Variants in LINGO2 observed in about 807,000 individuals in gnomAD.
The protein encoded by LINGO2 is leucine-rich repeat and immunoglobulin-like domain-containing nogo receptor-interacting protein 2.
Under a neutral mutation model 30.6 loss-of-function variants are expected in LINGO2, and 14 were observed. That is an observed-to-expected ratio of 0.46 (90% CI 0.30 to 0.72). The LOEUF is 0.72. Among genes scored for constraint, LINGO2 ranks in the 30% least tolerant of loss-of-function variants. LINGO2 has a pLI of 0.07. For missense variants in LINGO2, 729 were observed against 751.7 expected (o/e 0.97, Z 0.35); for synonymous variants, 317 against 288.5 (o/e 1.10, Z -1.00).
At chr9:28,580,061 A>G (rs908012479) in intron 1 of LINGO2, among the ~76,000 whole-genome samples, 1 of 152,140 alleles carries the variant, frequency 6.6e-6, no homozygotes, top group African/African-American at 2.4e-5. Context: ...TTTAATTGCT[A>G]TAGCAAAAGA....
chr9:29,111,741 A>G, the LINGO2 span, among the ~76,000 whole-genome samples: 1 of 151,448 alleles, frequency 6.6e-6, no homozygotes, highest in Non-Finnish European at 1.5e-5. Flanking sequence ...TTAGTGAAGA[A>G]GAGAAATTTT....
At chr9:28,883,628 G>GTGTGTATGTGTATATATATA in the LINGO2 span, among the ~76,000 whole-genome samples, 13 of 64,166 alleles carry the variant, frequency 2.0e-4, no homozygotes, top group South Asian at 6.4e-4. Context: ...ATGTGTGTGT[G>GTGTGTATGTGTATATATATA]TATATATATA....
exon 6 of LINGO2, chr9:27,949,408 C>G: frequency 1.2e-6 from 2 of 1,614,148 alleles, no homozygotes. Context: ...CCTTCATCTA[C>G]TAGCAGATGC....
At chr9:28,055,567 G>A (rs1190941062) in intron 4 of LINGO2, among the ~76,000 whole-genome samples, 1 of 152,140 alleles carries the variant, frequency 6.6e-6, no homozygotes, top group Non-Finnish European at 1.5e-5. Context: ...TTCTTCGTTC[G>A]AAGTGTAAGG....
chr9:28,166,384 T>C lies in LINGO2; in HGVS notation c.-87+128824A>G, dbSNP rs73645603. Among the ~76,000 whole-genome samples the C allele has an allele frequency of 6.0e-3, 906 of 152,260 alleles. 10 individuals carry two copies. The highest frequency in any genetic ancestry group is 0.02 in the African/African-American group (846 of 41,546). ...AAGCCTCAGATTCCTCAGTGGGAGG[T>C]ACCTACCGGATGCATTTGTTATGGT... is the stretch of plus-strand genomic sequence containing the variant. On this transcript the variant is annotated intron_variant, in intron 4 of 5. Coordinates refer to ENST00000379992, the Ensembl canonical transcript of LINGO2.
At chr9:28,929,734 C>A in the LINGO2 span, among the ~76,000 whole-genome samples, 220 of 152,164 alleles carry the variant, frequency 1.4e-3, no homozygotes, top group African/African-American at 4.6e-3. Context: ...GCAAACTGCG[C>A]CAATGGTCTA....
chr9:27,978,779 G>C (rs146624895), intron 5 of LINGO2, among the ~76,000 whole-genome samples: 32 of 151,974 alleles, frequency 2.1e-4, no homozygotes, highest in African/African-American at 7.5e-4. Context: ...GACACCACTG[G>C]ATACCTCTGT....
intron 4 of LINGO2, among the ~76,000 whole-genome samples, chr9:28,230,104 T>G (rs1440278128): frequency 1.3e-5 from 2 of 151,866 alleles, no homozygotes; most frequent in Admixed American, 1.3e-4. Flanking sequence ...CAACGTCACA[T>G]TTATTGTTCT....
At chr9:29,119,496 T>C in the LINGO2 span, among the ~76,000 whole-genome samples, 2 of 151,558 alleles carry the variant, frequency 1.3e-5, no homozygotes, top group Non-Finnish European at 2.9e-5. Flanking sequence ...GAAATACTAA[T>C]GCATATGCAA....
chr9:28,036,483 A>G (rs1170255779), intron 4 of LINGO2, among the ~76,000 whole-genome samples: 1 of 152,194 alleles, frequency 6.6e-6, no homozygotes, highest in African/African-American at 2.4e-5. Context: ...TAGTTCTAGT[A>G]GACCTATGAC....
chr9:28,208,465 A>C (rs1562972), intron 4 of LINGO2, among the ~76,000 whole-genome samples: 72,374 of 151,828 alleles, frequency 0.48, 18,259 homozygotes, highest in East Asian at 0.67. Context: ...CTAGAATTAT[A>C]ACCTTTATTT....
intron 1 of LINGO2, among the ~76,000 whole-genome samples, chr9:28,650,918 C>T (rs770945634): frequency 2.8e-4 from 43 of 152,088 alleles, no homozygotes; most frequent in Admixed American, 4.6e-4. Flanking sequence ...TGGCTGGATG[C>T]GATGGCTTAC....
the LINGO2 span, among the ~76,000 whole-genome samples, chr9:29,195,075 T>G: frequency 6.8e-6 from 1 of 147,226 alleles, no homozygotes. Flanking sequence ...CTTTTTTCCA[T>G]GTCTACAACT....
At chr9:28,085,064 A>G (rs557246614) in intron 4 of LINGO2, among the ~76,000 whole-genome samples, 4 of 152,272 alleles carry the variant, frequency 2.6e-5, no homozygotes, top group African/African-American at 9.6e-5. Context: ...TTGACCCAGT[A>G]TTACAGATGA....
At chr9:28,635,266 GTA>G (rs1827206715) in intron 1 of LINGO2, among the ~76,000 whole-genome samples, 1 of 152,160 alleles carries the variant, frequency 6.6e-6, no homozygotes, top group Non-Finnish European at 1.5e-5. Context: ...AATGCAGTGA[GTA>G]ACATTAGAAA....
At chr9:29,139,127 G>T in the LINGO2 span, among the ~76,000 whole-genome samples, 2 of 152,082 alleles carry the variant, frequency 1.3e-5, no homozygotes, top group Non-Finnish European at 2.9e-5. Context: ...GTAGCCTCCA[G>T]CCAACATCAA....
At chr9:28,500,024 C>G (rs1353212002) in intron 1 of LINGO2, among the ~76,000 whole-genome samples, 1 of 152,134 alleles carries the variant, frequency 6.6e-6, no homozygotes, top group Non-Finnish European at 1.5e-5. Flanking sequence ...TACTGCTTTT[C>G]CCCTTCAGTA....
chr9:28,023,184 G>T (rs1309655666), intron 4 of LINGO2, among the ~76,000 whole-genome samples: 1 of 151,954 alleles, frequency 6.6e-6, no homozygotes, highest in Non-Finnish European at 1.5e-5. Context: ...TTTGCATTTT[G>T]TCTTCAGACT....
At chr9:28,855,182 T>A in the LINGO2 span, among the ~76,000 whole-genome samples, 2 of 151,966 alleles carry the variant, frequency 1.3e-5, no homozygotes, top group Admixed American at 1.3e-4. Flanking sequence ...AAATACCTGA[T>A]TGCCCTAGTG....
Sources: allele counts gnomAD v4.1 joint callset (sites outside exome capture counted in the v4.1 genomes callset), GRCh38; gene constraint gnomAD v4.1.1; transcripts MANE v1.5; gene names NCBI Gene and HGNC (gene_info 2026-07-23, HGNC 2026-07-21).